Variants in TENM2 observed in about 807,000 individuals in gnomAD.
TENM2 encodes teneurin-2.
TENM2 carries 52 observed loss-of-function variants against 245.2 expected under a neutral mutation model. That is an observed-to-expected ratio of 0.21 (90% CI 0.17 to 0.27). The LOEUF is 0.27. TENM2 is among the 10% of genes least tolerant of loss of function. The probability of loss-of-function intolerance (pLI) is 1.00; values close to 1 mark genes in which losing one functional copy is unlikely to be tolerated. For missense variants in TENM2, 3,046 were observed against 3,666.8 expected (o/e 0.83, Z 4.37); for synonymous variants, 1,363 against 1,438.9 (o/e 0.95, Z 1.19).
At chr5:167,006,011 G>T in the TENM2 span, among the ~76,000 whole-genome samples, 1 of 151,968 alleles carries the variant, frequency 6.6e-6, no homozygotes, top group African/African-American at 2.4e-5. Flanking sequence ...GGTAGGACGT[G>T]GAAGGAGGTA....
At chr5:167,803,154 T>A (rs1765907213) in intron 2 of TENM2, among the ~76,000 whole-genome samples, 1 of 152,110 alleles carries the variant, frequency 6.6e-6, no homozygotes, top group Non-Finnish European at 1.5e-5. Flanking sequence ...TCTTACACAG[T>A]GAACACCAAA....
the TENM2 span, among the ~76,000 whole-genome samples, chr5:166,999,126 A>C: frequency 6.6e-6 from 1 of 152,074 alleles, no homozygotes; most frequent in Non-Finnish European, 1.5e-5. Flanking sequence ...GGAAAGTACA[A>C]TGTTAAAAGT....
intron 1 of TENM2, among the ~76,000 whole-genome samples, chr5:167,300,384 A>T (rs138493218): frequency 4.6e-5 from 7 of 152,264 alleles, no homozygotes; most frequent in African/African-American, 1.7e-4. Context: ...GAAGATCCAG[A>T]ACAGAATAAT....
At chr5:168,234,387 C>A (rs1418215844) in intron 25 of TENM2, among the ~76,000 whole-genome samples, 1 of 152,084 alleles carries the variant, frequency 6.6e-6, no homozygotes, top group Non-Finnish European at 1.5e-5. Flanking sequence ...CATGACCATA[C>A]CTGTATCTTA....
chr5:167,426,953 A>G (rs1270990559), intron 2 of TENM2, among the ~76,000 whole-genome samples: 1 of 152,212 alleles, frequency 6.6e-6, no homozygotes, highest in Admixed American at 6.5e-5. Context: ...AAAAACTACA[A>G]GGACAGATGT....
chr5:167,074,524 A>T, the TENM2 span, among the ~76,000 whole-genome samples: 1 of 152,252 alleles, frequency 6.6e-6, no homozygotes, highest in African/African-American at 2.4e-5. Flanking sequence ...GAATCTCATG[A>T]GGCTGTGGTG....
chr5:168,260,233 T>C, intron 27 of TENM2, 50 bp from the exon 30 acceptor site: 1 of 1,606,590 alleles, frequency 6.2e-7, no homozygotes, highest in Non-Finnish European at 8.5e-7. Flanking sequence ...CTGCTGCTGC[T>C]CTCCATCCAT....
chr5:167,534,188 T>C (rs1224258057), intron 2 of TENM2, among the ~76,000 whole-genome samples: 1 of 152,178 alleles, frequency 6.6e-6, no homozygotes, highest in Admixed American at 6.5e-5. Flanking sequence ...TGATGTCTCA[T>C]AGATGTAAGA....
At chr5:167,757,917 A>T (rs1762413659) in intron 2 of TENM2, among the ~76,000 whole-genome samples, 1 of 152,192 alleles carries the variant, frequency 6.6e-6, no homozygotes, top group African/African-American at 2.4e-5. Flanking sequence ...CAATTTTAAT[A>T]TTCTGAAGTC....
At chr5:167,382,738 T>C (rs1218055020) in intron 2 of TENM2, among the ~76,000 whole-genome samples, 2 of 152,146 alleles carry the variant, frequency 1.3e-5, no homozygotes, top group African/African-American at 4.8e-5. Flanking sequence ...AAAAGGGGCC[T>C]GAACTCACTT....
intron 2 of TENM2, among the ~76,000 whole-genome samples, chr5:167,385,858 G>GTA (rs1430267301): frequency 5.4e-3 from 166 of 30,694 alleles, no homozygotes; most frequent in African/African-American, 0.041. Context: ...ATATATATAT[G>GTA]TGTGTGTGTG....
intron 2 of TENM2, among the ~76,000 whole-genome samples, chr5:167,716,775 C>A (rs1435494204): frequency 1.3e-5 from 2 of 151,920 alleles, no homozygotes; most frequent in Admixed American, 6.6e-5. Context: ...GCCTATAATA[C>A]AGAAATCCGA....
At chr5:167,874,011 C>T (rs914745196) in intron 2 of TENM2, among the ~76,000 whole-genome samples, 1 of 152,160 alleles carries the variant, frequency 6.6e-6, no homozygotes, top group Non-Finnish European at 1.5e-5. Context: ...GGTTTGATGC[C>T]TCTGCTGCTG....
At chr5:167,693,551 T>G (rs1396375778) in intron 2 of TENM2, among the ~76,000 whole-genome samples, 1 of 150,040 alleles carries the variant, frequency 6.7e-6, no homozygotes, top group Non-Finnish European at 1.5e-5. Flanking sequence ...GAGTTGTTAC[T>G]GGAAGACTGG....
intron 1 of TENM2, 51 bp downstream of exon 3, chr5:167,285,114 AT>A: frequency 7.2e-7 from 1 of 1,397,904 alleles, no homozygotes; most frequent in Non-Finnish European, 9.9e-7. Flanking sequence ...AACTTACTTG[AT>A]TTACATGGTT....
chr5:167,017,729 T>A, the TENM2 span, among the ~76,000 whole-genome samples: 1 of 152,218 alleles, frequency 6.6e-6, no homozygotes, highest in Non-Finnish European at 1.5e-5. Flanking sequence ...TAGATTGGAT[T>A]TTTTTAGTGT....
chr5:168,014,989 C>T (rs1785541510), intron 5 of TENM2, among the ~76,000 whole-genome samples: 1 of 152,140 alleles, frequency 6.6e-6, no homozygotes. Flanking sequence ...GAAGCTTCAT[C>T]TGCTTTGCAG....
intron 3 of TENM2, among the ~76,000 whole-genome samples, chr5:167,951,106 ATGT>A (rs1331081130): frequency 6.6e-6 from 1 of 152,182 alleles, no homozygotes; most frequent in Non-Finnish European, 1.5e-5. Flanking sequence ...TCTTCTTGAC[ATGT>A]TGTCTTTTCT....
At chr5:167,531,188 C>T (rs1053150530) in intron 2 of TENM2, among the ~76,000 whole-genome samples, 14 of 152,190 alleles carry the variant, frequency 9.2e-5, no homozygotes, top group East Asian at 5.8e-4. Context: ...TCAGATTCTG[C>T]GGATTGTTGT....
Sources: allele counts gnomAD v4.1 joint callset (sites outside exome capture counted in the v4.1 genomes callset), GRCh38; gene constraint gnomAD v4.1.1; transcripts MANE v1.5; gene names NCBI Gene and HGNC (gene_info 2026-07-23, HGNC 2026-07-21).